Variants in RASL10A observed in about 807,000 individuals in gnomAD.
The protein encoded by RASL10A is ras-like protein family member 10A.
In RASL10A, 13 loss-of-function variants were observed where a neutral mutation model predicts 17.3. That is an observed-to-expected ratio of 0.75 (90% CI 0.49 to 1.20). RASL10A has a LOEUF of 1.20. Among genes scored for constraint, RASL10A ranks in the 50% most tolerant of loss-of-function variants. The pLI is 0.00. For missense variants in RASL10A, 307 were observed against 310.3 expected (o/e 0.99, Z 0.08); for synonymous variants, 159 against 142.2 (o/e 1.12, Z -0.84).
In RASL10A at chr22:29,313,051, C is replaced by T. The variant is rs1049095764; in HGVS notation, c.*250G>A. On this transcript the variant is annotated 3_prime_UTR_variant, in exon 3 of 3. Coordinates refer to ENST00000216101, the MANE Select transcript of RASL10A (RefSeq NM_006477.5). ...AGTTCATAGCCAAGTCCTTTCCATCCAATGGGATTGTGACCCATTGAGGTC... is the reference window on the plus strand; with the variant it reads ...AGTTCATAGCCAAGTCCTTTCCATCTAATGGGATTGTGACCCATTGAGGTC... 2.5e-5 allele frequency: 11 copies of T among 436,780 alleles called. No homozygotes were observed. Among genetic ancestry groups the T allele is most frequent in the East Asian group, 1.7e-4 (5 of 28,678 alleles). 27.1% of individuals were successfully genotyped at this position (436,780 alleles called of 1,614,324 possible). A position where few individuals can be genotyped will look rare whatever the true frequency, so the allele number is the denominator to read the frequency against.
At chr22:29,318,095 A>G (rs910707659), upstream of RASL10A, among the ~76,000 whole-genome samples, 2 of 152,054 alleles carry the variant, frequency 1.3e-5, no homozygotes, top group Non-Finnish European at 2.9e-5. Context: ...CTGCAAACAG[A>G]GCTGTGTGTG....
chr22:29,315,807 G>A (rs2061450992), upstream of RASL10A: 1 of 152,056 alleles, frequency 6.6e-6, no homozygotes, highest in African/African-American at 2.4e-5. This position sits in a 1 kb window ranked among gnomAD's most constrained non-coding sequence, Gnocchi z 5.5. Flanking sequence ...TCCCAGGAAG[G>A]GTCGCAGGAA....
In RASL10A at chr22:29,313,252, AT is replaced by A. The variant is rs1352055612; in HGVS notation, c.*48del. ...CGATCCCGTCCAATCCAGGTCCCTGATTGTCCCAGTCACAAGGTGGGGCCCA... is the reference window on the plus strand; with the variant it reads ...CGATCCCGTCCAATCCAGGTCCCTGATGTCCCAGTCACAAGGTGGGGCCCA... On this transcript the variant is annotated 3_prime_UTR_variant, in exon 3 of 3. Coordinates refer to ENST00000216101, the MANE Select transcript of RASL10A (RefSeq NM_006477.5). The A allele has an allele frequency of 2.7e-5, 39 of 1,446,318 alleles. No homozygotes were observed. The East Asian group carries it at 1.0e-3, about 37-fold the overall frequency. The allele number at this position is 1,446,318 out of a possible 1,614,324, so 89.6% of individuals were successfully genotyped here. A position where few individuals can be genotyped will look rare whatever the true frequency, so the allele number is the denominator to read the frequency against.
chr22:29,314,050 T>C, intron 1 of RASL10A, 63 bp from the exon 2 acceptor site: 2 of 1,595,358 alleles, frequency 1.3e-6, no homozygotes, highest in Non-Finnish European at 1.7e-6. Flanking sequence ...TCGAACCCTC[T>C]GCAGGGGCCT....
intron 2 of RASL10A, 53 bp downstream of exon 2, chr22:29,313,810 G>A (rs2061436187): frequency 6.2e-7 from 1 of 1,604,434 alleles, no homozygotes; most frequent in Non-Finnish European, 8.5e-7. Flanking sequence ...CTCAGGCAAA[G>A]GCCCTGCCAG....
At chr22:29,313,597 G>A (rs1350001185) in intron 2 of RASL10A, 29 bp from the exon 3 acceptor site, 1 of 1,507,434 alleles carries the variant, frequency 6.6e-7, no homozygotes, top group Non-Finnish European at 8.8e-7. Flanking sequence ...TGAGAGACGC[G>A]GGGACCCCAC....
chr22:29,318,171 C>T (rs1602666313), upstream of RASL10A, among the ~76,000 whole-genome samples: 1 of 152,228 alleles, frequency 6.6e-6, no homozygotes, highest in South Asian at 2.1e-4. Flanking sequence ...GGACTGGGAA[C>T]GTCCTGAGGC....
chr22:29,315,961 G>T (rs1395725475), upstream of RASL10A, among the ~76,000 whole-genome samples: 1 of 152,170 alleles, frequency 6.6e-6, no homozygotes, highest in African/African-American at 2.4e-5. The surrounding 1 kb of genome is among the most constrained non-coding windows in gnomAD (Gnocchi z 5.5). Flanking sequence ...TCGCCCCCAC[G>T]CTGGCTCCCG....
chr22:29,314,045 C>A, intron 1 of RASL10A, 58 bp from the exon 2 acceptor site: 1 of 1,600,360 alleles, frequency 6.2e-7, no homozygotes, highest in Non-Finnish European at 8.5e-7. Context: ...CGCTCTCGAA[C>A]CCTCTGCAGG....
Position 29,313,297 on chromosome 22 carries a change from C to G in RASL10A, c.*4G>C. On this transcript the variant is annotated 3_prime_UTR_variant, in exon 3 of 3. Transcript: ENST00000216101. ...GGGCCCATGGATGGCACTGTCCGAT[C>G]GGGTCACATGAGGCTGCAGCGCGCG... 1.3e-6 allele frequency: 2 copies of G among 1,497,116 alleles called. No homozygotes were observed. Among genetic ancestry groups the G allele is most frequent in the Non-Finnish European group, 1.8e-6 (2 of 1,120,350 alleles). The allele number at this position is 1,497,116 out of a possible 1,614,324, so 92.7% of individuals were successfully genotyped here.
chr22:29,315,331 C>G lies in RASL10A; in HGVS notation c.-85G>C. The G allele has an allele frequency of 1.1e-6, 1 of 951,044 alleles. No individual in the cohort carries two copies. Among genetic ancestry groups the G allele is most frequent in the Non-Finnish European group, 1.3e-6 (1 of 741,006 alleles). 58.9% of individuals were successfully genotyped at this position (951,044 alleles called of 1,614,324 possible). ...GCGCCCCCAGGCCGTGCGCCCCGCG[C>G]GCCCTGCCCGGTGCGCCACGGCCCC... On this transcript the variant is annotated 5_prime_UTR_variant, in exon 1 of 3. Transcript: ENST00000216101. The surrounding 1 kb of genome is among the most constrained non-coding windows in gnomAD (Gnocchi z 5.5).
In RASL10A at chr22:29,313,932, A is replaced by C. The variant is rs1339638498; in HGVS notation, c.275T>G (p.Val92Gly). 1 of 1,613,960 alleles carries C rather than the reference A, an allele frequency of 6.2e-7. No individual in the cohort carries two copies. The highest frequency in any genetic ancestry group is 1.1e-5 in the South Asian group (1 of 91,088). The stretch of plus-strand genomic sequence containing the variant: ...ACTGTCCGGGCTGCAGATGTCGTAG[A>C]CGAGCACGAAGGCGTCCGTGTCCTG... ...SLQDTDAFVLVYDICSPDSFD... is the reference protein window; with the variant it reads ...SLQDTDAFVLGYDICSPDSFD... The change falls in exon 2 of 3, where the codon GTC becomes GGC. Residue 92 changes from valine to glycine, a missense_variant. Val to Gly is a moderately radical substitution (Grantham distance 109). Transcript: ENST00000216101.
upstream of RASL10A, among the ~76,000 whole-genome samples, chr22:29,318,030 G>A (rs1452188505): frequency 2.0e-5 from 3 of 152,102 alleles, no homozygotes; most frequent in Admixed American, 2.0e-4. Flanking sequence ...GCGCACTCCC[G>A]CCCACCCCTG....
chr22:29,313,709 T>C, intron 2 of RASL10A, 141 bp from the exon 3 acceptor site: 1 of 1,411,760 alleles, frequency 7.1e-7, no homozygotes, highest in East Asian at 2.4e-5. Flanking sequence ...CCCAGGCCCA[T>C]GTGGGCCAAA....
rs2061444896 is a variant in RASL10A, at chr22:29,315,062, AC to A, written c.184del (p.Val62SerfsTer43). On this transcript the variant is annotated frameshift_variant, in exon 1 of 3. Coordinates refer to ENST00000216101, the MANE Select transcript of RASL10A (RefSeq NM_006477.5). LOFTEE classifies it high-confidence loss of function. This position sits in a 1 kb window ranked among gnomAD's most constrained non-coding sequence, Gnocchi z 5.5. ...VYDLSIRDGD[V>X]AGPGSSPGGP... ...CCCGGGGCTCGAGCCGGGGCCAGCG[AC>A]GTCGCCGTCGCGGATGCTCAAGTCG... The A allele has an allele frequency of 6.6e-7, 1 of 1,518,368 alleles. No homozygotes were observed. Among genetic ancestry groups the A allele is most frequent in the Non-Finnish European group, 8.8e-7 (1 of 1,137,180 alleles). 94.1% of individuals were successfully genotyped at this position (1,518,368 alleles called of 1,614,324 possible). A position where few individuals can be genotyped will look rare whatever the true frequency, so the allele number is the denominator to read the frequency against.
upstream of RASL10A, among the ~76,000 whole-genome samples, chr22:29,318,926 A>G (rs2061464891): frequency 6.6e-6 from 1 of 152,142 alleles, no homozygotes. Flanking sequence ...TGAAGACAGG[A>G]GCTCTGGGCT....
At chr22:29,317,905 C>T (rs559191834), upstream of RASL10A, among the ~76,000 whole-genome samples, 7 of 152,052 alleles carry the variant, frequency 4.6e-5, no homozygotes, top group East Asian at 9.7e-4. Context: ...AGGCTGGTCT[C>T]GAACTGCTGA....
rs1424248654 is a variant in RASL10A, at chr22:29,315,138, C to T, written c.109G>A (p.Asp37Asn). The T allele has an allele frequency of 6.5e-7, 1 of 1,532,498 alleles. No individual in the cohort carries two copies. Among genetic ancestry groups the T allele is most frequent in the African/African-American group, 1.4e-5 (1 of 70,710 alleles). 94.9% of individuals were successfully genotyped at this position (1,532,498 alleles called of 1,614,324 possible). A position where few individuals can be genotyped will look rare whatever the true frequency, so the allele number is the denominator to read the frequency against. The change falls in exon 1 of 3, where the codon GAC (aspartate) becomes AAC (asparagine). Residue 37 changes from aspartate to asparagine, a missense_variant. Transcript: ENST00000216101. This position sits in a 1 kb window ranked among gnomAD's most constrained non-coding sequence, Gnocchi z 5.5. ...GDYPERHRPT[D>N]GPRLYRPAVL... ...GCGGGTCGGTAGAGGCGCGGCCCGT[C>T]CGTGGGCCGGTGGCGCTCGGGGTAG...
upstream of RASL10A, chr22:29,315,872 G>A (rs2061451394): frequency 6.7e-6 from 1 of 150,354 alleles, no homozygotes; most frequent in Non-Finnish European, 1.5e-5. This position sits in a 1 kb window ranked among gnomAD's most constrained non-coding sequence, Gnocchi z 5.5. Flanking sequence ...TACCTCCTCC[G>A]CGTGTCCCGC....
Sources: allele counts gnomAD v4.1 joint callset (sites outside exome capture counted in the v4.1 genomes callset), GRCh38; gene constraint gnomAD v4.1.1; non-coding constraint Gnocchi (gnomAD v3.1); transcripts MANE v1.5; gene names NCBI Gene and HGNC (gene_info 2026-07-23, HGNC 2026-07-21).